The following ABLIM1 variants were observed in gnomAD, a reference collection of about 807,000 sequenced individuals.
The protein encoded by ABLIM1 is actin-binding LIM protein 1.
A neutral mutation model predicts 107.0 loss-of-function variants in ABLIM1; 40 were observed. The observed-to-expected ratio is 0.37, with a 90% CI of 0.29 to 0.49. The LOEUF (loss-of-function observed/expected upper bound fraction) is 0.49. Among genes scored for constraint, ABLIM1 ranks in the 20% least tolerant of loss-of-function variants. The pLI, the probability that ABLIM1 is intolerant of heterozygous loss-of-function variation, is 0.97. For synonymous variants in ABLIM1, 357 were observed against 357.3 expected, an observed-to-expected ratio of 1.00 and a Z score of 0.01; for missense variants, 857 against 1,008.5, an observed-to-expected ratio of 0.85 and a Z score of 2.04.
intron 1 of ABLIM1, among the ~76,000 whole-genome samples, chr10:114,756,641 T>C (rs1015225664): frequency 2.0e-5 from 3 of 152,228 alleles, no homozygotes; most frequent in African/African-American, 7.2e-5. Flanking sequence ...CTTCAGATGT[T>C]TTATTCTTAA....
intron 1 of ABLIM1, among the ~76,000 whole-genome samples, chr10:114,750,471 A>C (rs970738966): frequency 2.0e-5 from 3 of 152,238 alleles, no homozygotes; most frequent in African/African-American, 7.2e-5. Flanking sequence ...GGAAAGTAAA[A>C]AGGTTGTTGA....
rs150681111 is a variant in ABLIM1, at chr10:114,610,420, G to A, written c.245-8459C>T. On this transcript the variant is annotated intron_variant, in intron 1 of 22. Coordinates refer to ENST00000533213, the MANE Select transcript of ABLIM1 (RefSeq NM_002313.7). ...GAGTCCTATTCTCATGGCAGTCTACGTTTGAGAGAGACTGCTTCATTACCT... is the reference window on the plus strand; with the variant it reads ...GAGTCCTATTCTCATGGCAGTCTACATTTGAGAGAGACTGCTTCATTACCT... 1.8e-3 allele frequency among the ~76,000 whole-genome samples: 279 copies of A among 152,240 alleles called. 2 individuals carry two copies. The highest frequency in any genetic ancestry group is 6.3e-3 in the African/African-American group (262 of 41,536).
intron 6 of ABLIM1, among the ~76,000 whole-genome samples, chr10:114,503,828 G>A (rs1002801904): frequency 1.3e-5 from 2 of 152,120 alleles, no homozygotes; most frequent in Non-Finnish European, 2.9e-5. Flanking sequence ...ATCTCATCAG[G>A]TATCCATTAT....
At chr10:114,444,317 C>T (rs1340441130) in intron 16 of ABLIM1, among the ~76,000 whole-genome samples, 183 bp from the exon 17 acceptor site, 1 of 152,088 alleles carries the variant, frequency 6.6e-6, no homozygotes, top group African/African-American at 2.4e-5. Flanking sequence ...GACCCTAAAC[C>T]CTCTTAGCCC....
chr10:114,686,889 A>C (rs1187176721), upstream of ABLIM1, among the ~76,000 whole-genome samples: 1 of 152,040 alleles, frequency 6.6e-6, no homozygotes, highest in Non-Finnish European at 1.5e-5. Context: ...AGCCTCCCAA[A>C]GTGCTGCGAT....
chr10:114,476,710 C>T (rs1361054138), intron 8 of ABLIM1, among the ~76,000 whole-genome samples: 2 of 150,354 alleles, frequency 1.3e-5, no homozygotes, highest in African/African-American at 2.4e-5. Context: ...ATTTCCTAAT[C>T]AAAATATAGA....
In ABLIM1 at chr10:114,729,042, A is replaced by G. The variant is rs78953114; in HGVS notation, c.-213+39019T>C. 9.2e-3 allele frequency among the ~76,000 whole-genome samples: 1,404 copies of G among 152,224 alleles called. 31 individuals are homozygous for G. The highest frequency in any genetic ancestry group is 0.033 in the African/African-American group (1,352 of 41,470). On this transcript the variant is annotated intron_variant, in intron 1 of 15. Coordinates refer to the ABLIM1 transcript ENST00000651092. ...CACCTTTCTAGGTACTGCAACAGTA[A>G]CATTTACTCTGCGTAGCCAAGTTAC...
Position 114,473,917 on chromosome 10 carries a change from C to T in ABLIM1, c.1081G>A (p.Gly361Ser). Residue 361 changes from glycine to serine, a missense_variant, in exon 9 of 23, where the codon GGC (glycine) becomes AGC (serine). This residue lies in a region of ABLIM1 where 381 missense variants were observed against 506.9 expected (regional missense o/e 0.75). Coordinates refer to ENST00000533213, the MANE Select transcript of ABLIM1 (RefSeq NM_002313.7). ...CCTGGTGAGCCAGGAATACTGGAGC[C>T]TGGCCTAGAATAAATACTTTCCGAG... ...TSSESIYSRP[G>S]SSIPGSPGHT... is the part of the protein sequence containing the mutation. 1 of 1,613,826 alleles carries T rather than the reference C, an allele frequency of 6.2e-7. No individual in the cohort carries two copies. The highest frequency in any genetic ancestry group is 1.3e-5 in the African/African-American group (1 of 75,018).
At chr10:114,768,562 A>C (rs2082961791), upstream of ABLIM1, among the ~76,000 whole-genome samples, 1 of 152,094 alleles carries the variant, frequency 6.6e-6, no homozygotes, top group Admixed American at 6.5e-5. Context: ...AGGAGAGCGA[A>C]GACCACGGTC....
At chr10:114,644,329 A>ATATGTGTG (rs1158947105) in intron 1 of ABLIM1, among the ~76,000 whole-genome samples, 1 of 114,982 alleles carries the variant, frequency 8.7e-6, no homozygotes, top group African/African-American at 4.2e-5. Flanking sequence ...ATATATATAT[A>ATATGTGTG]TGTGTATATA....
chr10:114,783,919 G>C, the ABLIM1 span, among the ~76,000 whole-genome samples: 2 of 152,214 alleles, frequency 1.3e-5, no homozygotes, highest in Non-Finnish European at 2.9e-5. Context: ...GAAGGAAAAT[G>C]TGCACTGAAC....
At chr10:114,544,961 G>A (rs758416645) in intron 6 of ABLIM1, 44 bp downstream of exon 6, 1 of 1,580,940 alleles carries the variant, frequency 6.3e-7, no homozygotes, top group Non-Finnish European at 8.7e-7. Flanking sequence ...GAGGGCCGCT[G>A]AGAAAGATGG....
the ABLIM1 span, among the ~76,000 whole-genome samples, chr10:114,792,572 G>A: frequency 1.3e-5 from 2 of 152,228 alleles, no homozygotes; most frequent in Admixed American, 1.3e-4. Context: ...CTGCTTTGTG[G>A]TTCCCCTACC....
upstream of ABLIM1, among the ~76,000 whole-genome samples, chr10:114,659,658 C>T (rs931406039): frequency 6.6e-6 from 1 of 152,170 alleles, no homozygotes; most frequent in African/African-American, 2.4e-5. Flanking sequence ...GGTACATATG[C>T]ATACATGTGC....
chr10:114,746,966 G>T (rs2082398262), intron 1 of ABLIM1, among the ~76,000 whole-genome samples: 1 of 152,082 alleles, frequency 6.6e-6, no homozygotes, highest in Non-Finnish European at 1.5e-5. Context: ...CTTATTAAGG[G>T]TATTAATAAA....
intron 6 of ABLIM1, among the ~76,000 whole-genome samples, chr10:114,516,357 C>G (rs1373855738): frequency 6.6e-6 from 1 of 152,088 alleles, no homozygotes; most frequent in African/African-American, 2.4e-5. Flanking sequence ...AACCCTGTCT[C>G]TACTAAAAAT....
intron 4 of ABLIM1, among the ~76,000 whole-genome samples, chr10:114,571,052 T>C (rs1591301774): frequency 6.6e-6 from 1 of 152,226 alleles, no homozygotes; most frequent in Admixed American, 6.5e-5. Flanking sequence ...ATAATAGCTA[T>C]CTTAACAGGT....
chr10:114,769,172 G>GAA (rs35691537), upstream of ABLIM1, among the ~76,000 whole-genome samples: 193 of 46,512 alleles, frequency 4.1e-3, 5 homozygotes, highest in East Asian at 0.048. Context: ...TGTCTTCAAT[G>GAA]AAAAAAAAAA....
intron 4 of ABLIM1, among the ~76,000 whole-genome samples, chr10:114,568,634 C>A (rs1051281683): frequency 6.6e-6 from 1 of 151,772 alleles, no homozygotes; most frequent in Non-Finnish European, 1.5e-5. Flanking sequence ...TTATAGACAC[C>A]CACACACACC....
Sources: gnomAD v4.1 joint callset for allele counts (sites outside exome capture counted in the v4.1 genomes callset) on GRCh38, gnomAD v4.1.1 for gene constraint, gnomAD v4.1.1 regional missense constraint, MANE v1.5 for transcripts, NCBI Gene and HGNC (gene_info 2026-07-23, HGNC 2026-07-21) for gene names.